Variants in LRBA observed in about 807,000 individuals in gnomAD.
The protein encoded by LRBA is lipopolysaccharide-responsive and beige-like anchor protein.
A neutral mutation model predicts 330.0 loss-of-function variants in LRBA; 176 were observed. The observed-to-expected ratio is 0.53, with a 90% CI of 0.47 to 0.60. The LOEUF is 0.60. Among genes scored for constraint, LRBA ranks in the 20% least tolerant of loss-of-function variants. The probability of loss-of-function intolerance (pLI) is 0.00; values close to 1 mark genes in which losing one functional copy is unlikely to be tolerated. For missense variants in LRBA, 3,259 were observed against 3,444.8 expected (o/e 0.95, Z 1.35); for synonymous variants, 1,230 against 1,193.0 (o/e 1.03, Z -0.64).
intron 47 of LRBA, among the ~76,000 whole-genome samples, chr4:150,367,369 C>T (rs1402227809): frequency 2.0e-5 from 3 of 152,108 alleles, no homozygotes. Context: ...GCAAATTGAG[C>T]CAAAGAATCC....
chr4:150,458,527 C>A (rs1754365953), intron 44 of LRBA, among the ~76,000 whole-genome samples: 1 of 151,784 alleles, frequency 6.6e-6, no homozygotes, highest in Non-Finnish European at 1.5e-5. Context: ...TGCTAAAGGT[C>A]TCTCTACTTA....
At chr4:150,970,546 TGTGTGTGTGTAC>T (rs1482802449) in intron 2 of LRBA, 4 of 42,532 alleles carry the variant, frequency 9.4e-5, no homozygotes, top group Non-Finnish European at 1.9e-4. Context: ...TGTGTGTGTG[TGTGTGTGTGTAC>T]ACACACACAC....
chr4:150,632,000 G>A lies in LRBA; in HGVS notation c.5922-32869C>T, dbSNP rs555541847. Among the ~76,000 whole-genome samples the A allele has an allele frequency of 9.8e-5, 15 of 152,318 alleles. No individual in the cohort carries two copies. The East Asian group carries it at 2.5e-3, about 26-fold the overall frequency. On this transcript the variant is annotated intron_variant, in intron 37 of 56. Coordinates refer to ENST00000651943, the MANE Select transcript of LRBA (RefSeq NM_001364905.1). ...AATCCCAGCACTTTGGGAGGCCAAG[G>A]CGGGTAGATCATTTGAGGTCGGGAG...
At chr4:150,604,490 A>G (rs1774435844) in intron 37 of LRBA, among the ~76,000 whole-genome samples, 1 of 152,194 alleles carries the variant, frequency 6.6e-6, no homozygotes, top group African/African-American at 2.4e-5. Context: ...TATTCTAATA[A>G]AATACCAATA....
intron 31 of LRBA, 80 bp downstream of exon 31, chr4:150,817,044 T>G (rs775413429): frequency 4.6e-6 from 6 of 1,317,782 alleles, no homozygotes; most frequent in Non-Finnish European, 6.5e-6. Context: ...CCCCCAAATT[T>G]TAAGTTAATC....
chr4:151,001,915 C>G (rs1743386125), intron 2 of LRBA, among the ~76,000 whole-genome samples: 1 of 152,024 alleles, frequency 6.6e-6, no homozygotes, highest in South Asian at 2.1e-4. Context: ...ACCTCAGTCC[C>G]CAGCAAAACT....
chr4:150,928,749 T>C (rs1734145309), intron 3 of LRBA, 85 bp downstream of exon 3: 1 of 1,335,178 alleles, frequency 7.5e-7, no homozygotes, highest in African/African-American at 1.5e-5. Flanking sequence ...ATTTCTTAAA[T>C]ATTGCTAAAT....
chr4:150,303,524 G>A (rs1386296271), intron 52 of LRBA, among the ~76,000 whole-genome samples: 5 of 152,122 alleles, frequency 3.3e-5, no homozygotes, highest in Admixed American at 6.6e-5. Flanking sequence ...AGTTGTTCAT[G>A]TAAAGGTGTC....
intron 37 of LRBA, among the ~76,000 whole-genome samples, chr4:150,607,623 C>T (rs1774790417): frequency 6.6e-6 from 1 of 151,818 alleles, no homozygotes; most frequent in Non-Finnish European, 1.5e-5. Flanking sequence ...GGAGATTGAC[C>T]AGGCATGGTG....
At chr4:150,931,659 C>G (rs1222438679) in intron 2 of LRBA, among the ~76,000 whole-genome samples, 3 of 150,746 alleles carry the variant, frequency 2.0e-5, no homozygotes, top group Non-Finnish European at 1.5e-5. Context: ...CCCTAGTACT[C>G]AGGAGGCTGA....
intron 46 of LRBA, among the ~76,000 whole-genome samples, chr4:150,425,064 C>CA (rs1749385376): frequency 6.6e-6 from 1 of 152,150 alleles, no homozygotes; most frequent in Non-Finnish European, 1.5e-5. Context: ...CAGTAGAATT[C>CA]CATTTTAATA....
intron 35 of LRBA, among the ~76,000 whole-genome samples, chr4:150,758,812 C>A (rs187239137): frequency 6.6e-6 from 1 of 151,892 alleles, no homozygotes; most frequent in African/African-American, 2.4e-5. Context: ...TGGGCTCAAG[C>A]GATCCTCCCA....
intron 28 of LRBA, among the ~76,000 whole-genome samples, chr4:150,833,506 C>T (rs1747518157): frequency 6.6e-6 from 1 of 152,060 alleles, no homozygotes; most frequent in South Asian, 2.1e-4. Flanking sequence ...AAGTGAGTCA[C>T]ACAAATATTT....
intron 34 of LRBA, among the ~76,000 whole-genome samples, chr4:150,791,473 G>A (rs1463744623): frequency 6.6e-6 from 1 of 152,170 alleles, no homozygotes; most frequent in East Asian, 1.9e-4. Flanking sequence ...TTTCCTTAAA[G>A]GAAGGGGCTT....
chr4:150,786,562 A>G (rs1427042848), intron 34 of LRBA, among the ~76,000 whole-genome samples: 1 of 152,000 alleles, frequency 6.6e-6, no homozygotes, highest in East Asian at 1.9e-4. Flanking sequence ...TGTATTTCTG[A>G]TGACCAGATC....
intron 37 of LRBA, among the ~76,000 whole-genome samples, chr4:150,682,989 G>T (rs1051540533): frequency 1.3e-5 from 2 of 151,896 alleles, no homozygotes; most frequent in African/African-American, 4.8e-5. Flanking sequence ...GTCCAGTTTG[G>T]CTATCTTAAA....
At chr4:151,000,549 T>C (rs1346912001) in intron 2 of LRBA, among the ~76,000 whole-genome samples, 2 of 152,106 alleles carry the variant, frequency 1.3e-5, no homozygotes, top group Admixed American at 1.3e-4. Context: ...GTGGAGAGGG[T>C]AGTCACTTAG....
intron 35 of LRBA, among the ~76,000 whole-genome samples, chr4:150,739,906 C>T (rs1458529212): frequency 1.3e-5 from 2 of 152,172 alleles, no homozygotes; most frequent in Admixed American, 6.5e-5. Context: ...CTGGCCAGCA[C>T]CTCAATTGCA....
intron 47 of LRBA, among the ~76,000 whole-genome samples, chr4:150,398,741 A>C (rs919527727): frequency 7.9e-5 from 12 of 151,914 alleles, no homozygotes; most frequent in African/African-American, 2.9e-4. Flanking sequence ...ATCATCCCAC[A>C]TCAGCCTCCC....
Sources: gnomAD v4.1 joint callset for allele counts (sites outside exome capture counted in the v4.1 genomes callset) on GRCh38, gnomAD v4.1.1 for gene constraint, MANE v1.5 for transcripts, NCBI Gene and HGNC (gene_info 2026-07-23, HGNC 2026-07-21) for gene names.